Variants in RUNDC3B observed in about 807,000 individuals in gnomAD.
RUNDC3B encodes RUN domain containing 3B.
A neutral mutation model predicts 58.4 loss-of-function variants in RUNDC3B; 33 were observed. The observed-to-expected ratio is 0.56, with a 90% CI of 0.43 to 0.75. The LOEUF (loss-of-function observed/expected upper bound fraction) is 0.75, where lower values mean the gene tolerates loss of function less well. RUNDC3B is among the 30% of genes least tolerant of loss of function. The pLI is 0.00. For missense variants in RUNDC3B, 501 were observed against 535.7 expected (o/e 0.94, Z 0.64); for synonymous variants, 193 against 195.2 (o/e 0.99, Z 0.10).
At chr7:87,752,464 A>G (rs1280509340) in intron 6 of RUNDC3B, among the ~76,000 whole-genome samples, 1 of 152,086 alleles carries the variant, frequency 6.6e-6, no homozygotes, top group East Asian at 1.9e-4. Flanking sequence ...CAGTTCCTCC[A>G]TGTACCTCTG....
intron 8 of RUNDC3B, among the ~76,000 whole-genome samples, chr7:87,782,261 A>G (rs970189940): frequency 6.6e-6 from 1 of 151,986 alleles, no homozygotes; most frequent in African/African-American, 2.4e-5. Context: ...TGTGCATAAA[A>G]CTGTTCGTAA....
At chr7:87,674,635 G>C (rs747350499) in intron 2 of RUNDC3B, among the ~76,000 whole-genome samples, 5 of 152,066 alleles carry the variant, frequency 3.3e-5, no homozygotes, top group Non-Finnish European at 7.4e-5. Flanking sequence ...GGGTGGGCTA[G>C]CATGTATTGG....
chr7:87,805,324 G>T (rs891599595), intron 8 of RUNDC3B, among the ~76,000 whole-genome samples: 3 of 152,152 alleles, frequency 2.0e-5, no homozygotes, highest in Non-Finnish European at 4.4e-5. Context: ...CTTACACAAG[G>T]ATTCTCCAGG....
At chr7:87,676,440 C>T (rs181078776) in intron 2 of RUNDC3B, among the ~76,000 whole-genome samples, 16 of 152,186 alleles carry the variant, frequency 1.1e-4, no homozygotes, top group East Asian at 3.9e-4. Context: ...GTGGCTCACA[C>T]CTATAATTCC....
intron 2 of RUNDC3B, among the ~76,000 whole-genome samples, chr7:87,665,211 A>C (rs548525276): frequency 4.5e-4 from 69 of 152,296 alleles, no homozygotes; most frequent in Non-Finnish European, 7.8e-4. Flanking sequence ...TAAATACCAA[A>C]AAATGGTTAG....
intron 4 of RUNDC3B, among the ~76,000 whole-genome samples, chr7:87,715,274 TA>T (rs1348251765): frequency 1.5e-5 from 2 of 132,142 alleles, no homozygotes; most frequent in Admixed American, 8.5e-5. Flanking sequence ...TAATTTATAA[TA>T]ATTATATATA....
At chr7:87,723,632 T>C (rs976602) in intron 4 of RUNDC3B, among the ~76,000 whole-genome samples, 14,074 of 152,200 alleles carry the variant, frequency 0.092, 753 homozygotes, top group African/African-American at 0.15. Context: ...AAAATTACAC[T>C]GAATTGAAGG....
chr7:87,668,872 T>G (rs1353247601), intron 2 of RUNDC3B, among the ~76,000 whole-genome samples: 1 of 152,196 alleles, frequency 6.6e-6, no homozygotes, highest in Non-Finnish European at 1.5e-5. Flanking sequence ...CTTTTACATT[T>G]GTTGAGGATT....
At chr7:87,633,957 C>G (rs900134381) in intron 1 of RUNDC3B, among the ~76,000 whole-genome samples, 3 of 152,110 alleles carry the variant, frequency 2.0e-5, no homozygotes, top group Admixed American at 1.3e-4. Context: ...AACCGTGGCC[C>G]CGGCATCTGC....
At chr7:87,824,574 C>G (rs188885688) in intron 10 of RUNDC3B, among the ~76,000 whole-genome samples, 1 of 152,240 alleles carries the variant, frequency 6.6e-6, no homozygotes, top group Admixed American at 6.5e-5. Context: ...AAAAGATACC[C>G]AAACATGTGG....
At chr7:87,756,322 A>G (rs2130844489) in intron 6 of RUNDC3B, among the ~76,000 whole-genome samples, 1 of 152,074 alleles carries the variant, frequency 6.6e-6, no homozygotes, top group South Asian at 2.1e-4. Context: ...TCCTGTTAAG[A>G]TATTTTTATT....
intron 3 of RUNDC3B, among the ~76,000 whole-genome samples, chr7:87,708,972 G>C (rs1314095409): frequency 6.6e-6 from 1 of 152,080 alleles, no homozygotes; most frequent in Non-Finnish European, 1.5e-5. Flanking sequence ...CTTATCAACT[G>C]AAAACATCTA....
chr7:87,679,002 G>A (rs971077833), intron 2 of RUNDC3B, among the ~76,000 whole-genome samples: 1 of 150,990 alleles, frequency 6.6e-6, no homozygotes, highest in African/African-American at 2.4e-5. Context: ...TCTCATAATA[G>A]TAGATCAAGT....
At chr7:87,647,650 C>T (rs1314035961) in intron 1 of RUNDC3B, among the ~76,000 whole-genome samples, 4 of 152,102 alleles carry the variant, frequency 2.6e-5, no homozygotes, top group African/African-American at 7.2e-5. Context: ...CCTACAATAA[C>T]GTGGTTTCAA....
intron 1 of RUNDC3B, among the ~76,000 whole-genome samples, chr7:87,648,198 A>G (rs970523007): frequency 6.6e-5 from 10 of 151,730 alleles, no homozygotes; most frequent in Non-Finnish European, 1.0e-4. Flanking sequence ...AAAAAAAAAA[A>G]AAAGAAAGAA....
chr7:87,691,572 C>T (rs1828016902), intron 2 of RUNDC3B, among the ~76,000 whole-genome samples: 2 of 152,112 alleles, frequency 1.3e-5, no homozygotes, highest in African/African-American at 4.8e-5. Flanking sequence ...ATAAGAACCC[C>T]TTCTACAAAC....
chr7:87,653,813 A>G (rs1031112540), intron 2 of RUNDC3B, among the ~76,000 whole-genome samples: 1 of 151,980 alleles, frequency 6.6e-6, no homozygotes, highest in Non-Finnish European at 1.5e-5. Context: ...CTTCTGGCTT[A>G]CCACTGATTT....
chr7:87,791,849 G>C (rs967512971), intron 8 of RUNDC3B, among the ~76,000 whole-genome samples: 1 of 152,004 alleles, frequency 6.6e-6, no homozygotes, highest in Admixed American at 6.6e-5. Context: ...AAAATGATAG[G>C]AGTAATCCCC....
intron 4 of RUNDC3B, among the ~76,000 whole-genome samples, chr7:87,717,972 CTG>C (rs1188456563): frequency 2.0e-5 from 3 of 151,848 alleles, no homozygotes; most frequent in Non-Finnish European, 2.9e-5. Flanking sequence ...CATTAAGAAA[CTG>C]ATACATTTTG....
Sources: gnomAD v4.1 joint callset for allele counts (sites outside exome capture counted in the v4.1 genomes callset) on GRCh38, gnomAD v4.1.1 for gene constraint, MANE v1.5 for transcripts, NCBI Gene and HGNC (gene_info 2026-07-23, HGNC 2026-07-21) for gene names.